The following SHROOM3 variants were observed in gnomAD, a reference collection of about 807,000 sequenced individuals.
SHROOM3 encodes shroom family member 3, also known as protein Shroom3.
A neutral mutation model predicts 138.6 loss-of-function variants in SHROOM3; 47 were observed. That is an observed-to-expected ratio of 0.34 (90% CI 0.27 to 0.43). The LOEUF (loss-of-function observed/expected upper bound fraction) is 0.43. Ranked by LOEUF, SHROOM3 falls within the 20% of genes least tolerant of loss-of-function variation. SHROOM3 has a pLI of 1.00. For synonymous variants in SHROOM3, 1,062 were observed against 1,063.3 expected, an observed-to-expected ratio of 1.00 and a Z score of 0.02; for missense variants, 2,491 against 2,596.5, an observed-to-expected ratio of 0.96 and a Z score of 0.88.
At chr4:76,636,096 A>G (rs1735487382) in intron 2 of SHROOM3, among the ~76,000 whole-genome samples, 1 of 152,228 alleles carries the variant, frequency 6.6e-6, no homozygotes, top group South Asian at 2.1e-4. Context: ...TTCACGTCTG[A>G]GTACCTTGTC....
chr4:76,468,910 T>C (rs966131325), intron 1 of SHROOM3, among the ~76,000 whole-genome samples: 1 of 151,978 alleles, frequency 6.6e-6, no homozygotes, highest in Non-Finnish European at 1.5e-5. Flanking sequence ...GGCAGGCGAC[T>C]GTAGTCCCAG....
At chr4:76,699,718 A>G (rs1209005440) in intron 2 of SHROOM3, among the ~76,000 whole-genome samples, 1 of 152,166 alleles carries the variant, frequency 6.6e-6, no homozygotes, top group Non-Finnish European at 1.5e-5. Context: ...CCTTTCCACA[A>G]GTAGCTCCTT....
At position 76,779,443 on chromosome 4, in the gene SHROOM3, T is replaced by C. The variant is rs1722676675; in HGVS notation, c.*266T>C. 8 of 407,036 alleles carry C rather than the reference T, an allele frequency of 2.0e-5. No individual in the cohort carries two copies. In the South Asian group the frequency reaches 2.3e-4, roughly 12 times the overall value. The allele number at this position is 407,036 out of a possible 1,614,324, so 25.2% of individuals were successfully genotyped here. ...GAAAGTTAATGAAACTGAGAACTGA[T>C]TGGAGGGTGTTTGATCATTTAGTTT... On this transcript the variant is annotated 3_prime_UTR_variant, in exon 11 of 11. Transcript: ENST00000296043.
At chr4:76,612,897 G>A (rs141513641) in intron 2 of SHROOM3, among the ~76,000 whole-genome samples, 1 of 152,222 alleles carries the variant, frequency 6.6e-6, no homozygotes, top group East Asian at 1.9e-4. Flanking sequence ...CTATATGATT[G>A]CACCACTGCA....
intron 2 of SHROOM3, among the ~76,000 whole-genome samples, chr4:76,564,732 T>G (rs900768990): frequency 1.3e-5 from 2 of 152,332 alleles, no homozygotes; most frequent in African/African-American, 4.8e-5. Flanking sequence ...TGTTCTATTG[T>G]TCCTAGTGAA....
intron 1 of SHROOM3, among the ~76,000 whole-genome samples, chr4:76,490,205 A>T (rs1000584378): frequency 2.0e-5 from 3 of 152,202 alleles, no homozygotes; most frequent in Non-Finnish European, 1.5e-5. Context: ...GTGAAGTTAC[A>T]AAGTTATACT....
chr4:76,587,684 T>C (rs1734182762), intron 2 of SHROOM3, among the ~76,000 whole-genome samples: 1 of 152,186 alleles, frequency 6.6e-6, no homozygotes, highest in South Asian at 2.1e-4. Flanking sequence ...AATATAAACA[T>C]AAAAATTACT....
chr4:76,503,526 T>G (rs1397417867), intron 1 of SHROOM3, among the ~76,000 whole-genome samples: 1 of 152,110 alleles, frequency 6.6e-6, no homozygotes, highest in Non-Finnish European at 1.5e-5. Context: ...CCTCCCAGGT[T>G]CAAACAATTC....
In SHROOM3 at chr4:76,720,613, CT is replaced by C. The variant is rs35881578; in HGVS notation, c.456-10174del. On this transcript the variant is annotated intron_variant, in intron 3 of 10. Coordinates refer to ENST00000296043, the MANE Select transcript of SHROOM3 (RefSeq NM_020859.4). Reference sequence around the variant, plus strand: ...GATATAATCTCTCCCTGAATTCTTTCTTTTTTTTTTTTTTTTTGAGGCAGAG... The same window carrying C: ...GATATAATCTCTCCCTGAATTCTTTCTTTTTTTTTTTTTTTTGAGGCAGAG... Among the ~76,000 whole-genome samples the C allele has an allele frequency of 2.4e-3, 319 of 135,676 alleles. 1 individual carries two copies. Among genetic ancestry groups the C allele is most frequent in the Admixed American group, 3.1e-3 (42 of 13,562 alleles). 89.0% of individuals were successfully genotyped at this position (135,676 alleles called of 152,430 possible). A position where few individuals can be genotyped will look rare whatever the true frequency, so the allele number is the denominator to read the frequency against.
intron 3 of SHROOM3, among the ~76,000 whole-genome samples, chr4:76,715,513 C>T (rs557979876): frequency 6.6e-6 from 1 of 152,278 alleles, no homozygotes; most frequent in Admixed American, 6.5e-5. Context: ...GTAAAGGAGA[C>T]AAAATGTTCT....
chr4:76,471,154 C>A (rs1348090428), intron 1 of SHROOM3, among the ~76,000 whole-genome samples: 1 of 152,036 alleles, frequency 6.6e-6, no homozygotes, highest in African/African-American at 2.4e-5. Context: ...CTCTGAGTTA[C>A]CCTTTGTCTG....
Position 76,643,145 on chromosome 4 carries a change from T to C in SHROOM3, c.324-67011T>C, listed in dbSNP as rs887944853. 1.3e-4 allele frequency among the ~76,000 whole-genome samples: 20 copies of C among 148,340 alleles called. 1 individual carries two copies. The highest frequency in any genetic ancestry group is 1.3e-3 in the Admixed American group (19 of 14,610). On this transcript the variant is annotated intron_variant, in intron 2 of 10. Transcript: ENST00000296043. ...AGGAGAATTGCTTGAACCTGGGAGA[T>C]GGAGCTTGTGGTGAGCCGAAATTGC...
At chr4:76,687,629 G>T (rs746540458) in intron 2 of SHROOM3, among the ~76,000 whole-genome samples, 1 of 152,200 alleles carries the variant, frequency 6.6e-6, no homozygotes, top group African/African-American at 2.4e-5. Context: ...CAAGTTGTTT[G>T]CTTCCATCTA....
chr4:76,684,664 CT>C (rs1330349037), intron 2 of SHROOM3, among the ~76,000 whole-genome samples: 1 of 152,170 alleles, frequency 6.6e-6, no homozygotes, highest in Non-Finnish European at 1.5e-5. Context: ...CCTGGAGGTG[CT>C]TTGGTCACTG....
chr4:76,709,776 C>T (rs1317342173), intron 2 of SHROOM3: 4 of 284,518 alleles, frequency 1.4e-5, no homozygotes, highest in East Asian at 9.9e-5. Context: ...CAAACCACCT[C>T]GTTTGACAGT....
intron 2 of SHROOM3, among the ~76,000 whole-genome samples, chr4:76,706,930 G>A (rs1720072903): frequency 6.6e-6 from 1 of 152,198 alleles, no homozygotes; most frequent in African/African-American, 2.4e-5. Context: ...AGGAAATGAT[G>A]TCGAAATTGA....
At position 76,734,930 on chromosome 4, in the gene SHROOM3, T is replaced by C. The variant is rs1720990863; in HGVS notation, c.588-3831T>C. On this transcript the variant is annotated intron_variant, in intron 4 of 10. Coordinates refer to ENST00000296043, the MANE Select transcript of SHROOM3 (RefSeq NM_020859.4). Reference sequence around the variant, plus strand: ...ATGCTCTTTAGTTAGTTCCAGGAGGTCCTCTCTGAATGAAGTAAGAGGGAG... The same window carrying C: ...ATGCTCTTTAGTTAGTTCCAGGAGGCCCTCTCTGAATGAAGTAAGAGGGAG... 2.0e-5 allele frequency among the ~76,000 whole-genome samples: 3 copies of C among 151,994 alleles called. No homozygotes were observed. The South Asian group carries it at 6.2e-4, about 32-fold the overall frequency.
chr4:76,526,711 T>A (rs1370507370), intron 1 of SHROOM3, among the ~76,000 whole-genome samples: 2 of 152,184 alleles, frequency 1.3e-5, no homozygotes, highest in African/African-American at 4.8e-5. Flanking sequence ...TTGATAAGTG[T>A]CCTGTCCACT....
At chr4:76,541,595 C>A in intron 1 of SHROOM3, among the ~76,000 whole-genome samples, 1 of 150,694 alleles carries the variant, frequency 6.6e-6, no homozygotes, top group South Asian at 2.1e-4. Flanking sequence ...ACTGCACTTT[C>A]TGAGAAGGCC....
Sources: allele counts gnomAD v4.1 joint callset (sites outside exome capture counted in the v4.1 genomes callset), GRCh38; gene constraint gnomAD v4.1.1; transcripts MANE v1.5; gene names NCBI Gene and HGNC (gene_info 2026-07-23, HGNC 2026-07-21).